Variants in FYCO1 observed in about 807,000 individuals in gnomAD.
FYCO1 encodes FYVE and coiled-coil domain autophagy adaptor 1, also known as FYVE and coiled-coil domain-containing protein 1.
FYCO1 carries 122 observed loss-of-function variants against 165.1 expected under a neutral mutation model. The observed-to-expected ratio is 0.74, with a 90% CI of 0.64 to 0.86. FYCO1 has a LOEUF of 0.86. FYCO1 is among the 40% of genes least tolerant of loss of function. The probability of loss-of-function intolerance (pLI) is 0.00; values close to 1 mark genes in which losing one functional copy is unlikely to be tolerated. For synonymous variants in FYCO1, 648 were observed against 742.5 expected (o/e 0.87, Z 2.07); for missense variants, 1,702 against 1,810.3 (o/e 0.94, Z 1.09).
At chr3:45,957,519 A>G (rs532315681) in intron 13 of FYCO1, among the ~76,000 whole-genome samples, 2 of 152,378 alleles carry the variant, frequency 1.3e-5, no homozygotes, top group South Asian at 4.1e-4. Flanking sequence ...TATGTGACAA[A>G]GAACTTGCAT....
At chr3:45,994,747 G>T (rs1334350958) in intron 1 of FYCO1, among the ~76,000 whole-genome samples, 1 of 152,070 alleles carries the variant, frequency 6.6e-6, no homozygotes, top group Non-Finnish European at 1.5e-5. Context: ...GCACGGGCAG[G>T]AGAACCAGTG....
chr3:45,931,228 C>T lies in FYCO1; in HGVS notation c.4094G>A (p.Arg1365Lys). Residue 1365 changes from arginine to lysine, a missense_variant, in exon 16 of 18, where the codon AGG (arginine) becomes AAG (lysine). By Grantham distance (26) the Arg-to-Lys change is conservative (BLOSUM62 2). Transcript: ENST00000296137. ...GGTGCTGGACCTCACAAACAGCTCCCTGCTACCCTCCCCGAAGCTGGCGAT... is the reference window on the plus strand; with the variant it reads ...GGTGCTGGACCTCACAAACAGCTCCTTGCTACCCTCCCCGAAGCTGGCGAT... ...DEIASFGEGS[R>K]ELFVRSSTYS... 1.9e-6 allele frequency: 3 copies of T among 1,614,058 alleles called. No individual in the cohort carries two copies. The highest frequency in any genetic ancestry group is 1.7e-6 in the Non-Finnish European group (2 of 1,179,974).
intron 14 of FYCO1, chr3:45,938,153 C>A: frequency 8.4e-7 from 1 of 1,188,366 alleles, no homozygotes; most frequent in Non-Finnish European, 1.1e-6. Context: ...TCCTCCATCA[C>A]CCTCCTCCCT....
At chr3:45,928,439 T>C (rs1250665831) in intron 16 of FYCO1, among the ~76,000 whole-genome samples, 1 of 152,126 alleles carries the variant, frequency 6.6e-6, no homozygotes, top group African/African-American at 2.4e-5. Context: ...ACTGGTAACC[T>C]GGTTCATAAT....
In FYCO1 at chr3:45,962,367, T is replaced by C. The variant is rs534081422; in HGVS notation, c.3295A>G (p.Thr1099Ala). The change falls in exon 11 of 18, where the codon ACA becomes GCA. Residue 1099 changes from threonine (T) to alanine (A), a missense_variant. Physicochemically the swap from Thr to Ala is moderately conservative, Grantham distance 58 (BLOSUM62 0). Transcript: ENST00000296137. The surrounding 1 kb of genome is among the most constrained non-coding windows in gnomAD (Gnocchi z 4.4). ...ERTQKELEKA[T>A]TKIQEYYNKL... ...TTGTAATACTCTTGGATTTTTGTTG[T>C]GGCTTTTTCGAGTTCCTTCTGGGTC... The C allele has an allele frequency of 7.4e-6, 12 of 1,614,206 alleles. No homozygotes were observed. The East Asian group carries it at 2.7e-4, about 36-fold the overall frequency.
rs188774809 is a variant in FYCO1 at position 45,993,495 on chromosome 3, T to C, written c.-113+2227A>G. On this transcript the variant is annotated intron_variant, in intron 1 of 17. Transcript: ENST00000296137. This position sits in a 1 kb window ranked among gnomAD's most constrained non-coding sequence, Gnocchi z 4.4. ...TTCCAATTCCCACCCTATTGATTTA[T>C]TTAATTGCTCAGATAGAGGCTCTTA... Among the ~76,000 whole-genome samples, 270 of 152,340 alleles carry C rather than the reference T, an allele frequency of 1.8e-3. 1 individual carries two copies. The highest frequency in any genetic ancestry group is 6.8e-3 in the Middle Eastern group (2 of 294).
intron 14 of FYCO1, among the ~76,000 whole-genome samples, chr3:45,944,831 T>G (rs983332389): frequency 6.6e-6 from 1 of 152,212 alleles, no homozygotes; most frequent in African/African-American, 2.4e-5. Context: ...ACATTATTCT[T>G]AAGAGCAAAG....
In FYCO1 at chr3:45,962,230, C is replaced by A; in HGVS notation, c.3432G>T (p.Leu1144=). 6 of 1,614,232 alleles carry A rather than the reference C, an allele frequency of 3.7e-6. No individual in the cohort carries two copies. Among genetic ancestry groups the A allele is most frequent in the Admixed American group, 1.7e-5 (1 of 60,034 alleles). Residue 1144 remains leucine, a synonymous_variant, in exon 11 of 18, where the codon CTG becomes CTT. Coordinates refer to ENST00000296137, the MANE Select transcript of FYCO1 (RefSeq NM_024513.4). The surrounding 1 kb of genome is among the most constrained non-coding windows in gnomAD (Gnocchi z 4.4). ...TGGTTTGACACAGCACTCACCTGAGCAGCTCTATCAGCCGCTCCTCGAGAT... is the reference window on the plus strand; with the variant it reads ...TGGTTTGACACAGCACTCACCTGAGAAGCTCTATCAGCCGCTCCTCGAGAT... ...KKYLEERLIE[L]LRDKDALWQK...
intron 14 of FYCO1, chr3:45,948,026 G>C (rs905793074): frequency 5.9e-6 from 1 of 170,266 alleles, no homozygotes; most frequent in African/African-American, 2.4e-5. Context: ...TTTTGTATAG[G>C]TAGATGTTCA....
rs1484728676 is a variant in FYCO1 at position 45,917,981 on chromosome 3, AAAT to A, written c.*3781_*3783del. 1 of 152,648 alleles carries A rather than the reference AAAT, an allele frequency of 6.6e-6. No homozygotes were observed. Among genetic ancestry groups the A allele is most frequent in the Admixed American group, 6.5e-5 (1 of 15,282 alleles). The allele number at this position is 152,648 out of a possible 1,614,324, so 9.5% of individuals were successfully genotyped here. A position where few individuals can be genotyped will look rare whatever the true frequency, so the allele number is the denominator to read the frequency against. Reference sequence around the variant, plus strand: ...TCCACATGGCATGGCAGACACTATAAAATAATATGCTTAGGGATACAAAAGTTT... The same window carrying A: ...TCCACATGGCATGGCAGACACTATAAAATATGCTTAGGGATACAAAAGTTT... On this transcript the variant is annotated 3_prime_UTR_variant, in exon 18 of 18. Transcript: ENST00000296137. This position sits in a 1 kb window ranked among gnomAD's most constrained non-coding sequence, Gnocchi z 4.2.
chr3:45,985,007 G>T lies in FYCO1; in HGVS notation c.-97C>A. On this transcript the variant is annotated 5_prime_UTR_variant, in exon 2 of 18. In the 5' UTR this introduces an upstream ATG that the reference lacks. Transcript: ENST00000296137. ...GTGGCTGTCTGCTCAGCAGTGGTCA[G>T]ACTCCATGGTGGCACCTGCACAGAG... 1.7e-6 allele frequency: 2 copies of T among 1,163,488 alleles called. No homozygotes were observed. Among genetic ancestry groups the T allele is most frequent in the South Asian group, 1.2e-5 (1 of 81,796 alleles). The allele number at this position is 1,163,488 out of a possible 1,614,324, so 72.1% of individuals were successfully genotyped here. A position where few individuals can be genotyped will look rare whatever the true frequency, so the allele number is the denominator to read the frequency against.
Position 45,962,524 on chromosome 3 carries a change from C to A in FYCO1, c.3270-132G>T. The stretch of plus-strand genomic sequence containing the variant: ...GGGGGAGCCCCTTGGTATCTGCTCA[C>A]AGCTTATGCAGTCCCCTAGCTTTTG... On this transcript the variant is annotated intron_variant, in intron 10 of 17. Transcript: ENST00000296137. This position sits in a 1 kb window ranked among gnomAD's most constrained non-coding sequence, Gnocchi z 4.4. 1.3e-6 allele frequency: 1 copy of A among 792,362 alleles called. No individual in the cohort carries two copies. 49.1% of individuals were successfully genotyped at this position (792,362 alleles called of 1,614,324 possible). A position where few individuals can be genotyped will look rare whatever the true frequency, so the allele number is the denominator to read the frequency against.
intron 6 of FYCO1, among the ~76,000 whole-genome samples, chr3:45,972,284 G>A (rs970077344): frequency 2.0e-5 from 3 of 152,024 alleles, no homozygotes; most frequent in African/African-American, 4.8e-5. Context: ...GCAAGACTCC[G>A]TCCCTACAAA....
At chr3:45,946,598 G>A in intron 14 of FYCO1, 2 of 1,614,178 alleles carry the variant, frequency 1.2e-6, no homozygotes, top group South Asian at 1.1e-5. Flanking sequence ...GCATGTACCT[G>A]GTGGTGTTTG....
At chr3:45,951,799 G>A (rs1018499622) in intron 14 of FYCO1, among the ~76,000 whole-genome samples, 23 of 152,248 alleles carry the variant, frequency 1.5e-4, no homozygotes, top group Admixed American at 4.6e-4. Context: ...GTTGCTTAGG[G>A]AGTCCCAGCA....
At position 45,928,175 on chromosome 3, in the gene FYCO1, G is replaced by A. The variant is rs1178492629; in HGVS notation, c.4251+2896C>T. 7.2e-5 allele frequency among the ~76,000 whole-genome samples: 11 copies of A among 152,232 alleles called. No individual in the cohort carries two copies. The East Asian group carries it at 1.7e-3, about 24-fold the overall frequency. On this transcript the variant is annotated intron_variant, in intron 16 of 17. Coordinates refer to ENST00000296137, the MANE Select transcript of FYCO1 (RefSeq NM_024513.4). ...CTAAAATTAGACAGTGGTAATGGTG[G>A]TACAACTCTGTGAATATACTAAAAA...
In FYCO1 at chr3:45,973,215, T is replaced by C; in HGVS notation, c.412A>G (p.Arg138Gly). 6.2e-7 allele frequency: 1 copy of C among 1,614,180 alleles called. No individual in the cohort carries two copies. Among genetic ancestry groups the C allele is most frequent in the Admixed American group, 1.7e-5 (1 of 60,028 alleles). The change falls in exon 6 of 18, where the codon AGA becomes GGA. Residue 138 changes from arginine to glycine, a missense_variant. Transcript: ENST00000296137. ...AGCTTTGGCTGCAGAAAGGGGCTTC[T>C]TGCATAGTACCAGTCACTGCAGAAA... ...TKVTSDWYYA[R>G]SPFLQPKLSS...
intron 14 of FYCO1, among the ~76,000 whole-genome samples, chr3:45,941,782 C>G (rs1167231770): frequency 2.0e-5 from 3 of 152,206 alleles, no homozygotes; most frequent in Non-Finnish European, 4.4e-5. Flanking sequence ...GCCAAGGGTG[C>G]TTGACAAGGC....
rs2125800553 is a variant in FYCO1 at position 45,932,898 on chromosome 3, T to C, written c.4041-1617A>G. ...CATTCTGGAACAGACATCTTTCTTG[T>C]AATGTGGAAATCTTACCATATTACC... On this transcript the variant is annotated intron_variant, in intron 15 of 17. Coordinates refer to ENST00000296137, the MANE Select transcript of FYCO1 (RefSeq NM_024513.4). 1.3e-5 allele frequency among the ~76,000 whole-genome samples: 2 copies of C among 152,318 alleles called. 1 individual carries two copies. Among genetic ancestry groups the C allele is most frequent in the South Asian group, 4.1e-4 (2 of 4,830 alleles).
Sources: gnomAD v4.1 joint callset for allele counts (sites outside exome capture counted in the v4.1 genomes callset) on GRCh38, gnomAD v4.1.1 for gene constraint, Gnocchi (gnomAD v3.1) non-coding constraint, MANE v1.5 for transcripts, NCBI Gene and HGNC (gene_info 2026-07-23, HGNC 2026-07-21) for gene names.